Variants in CYB5R4 observed in about 807,000 individuals in gnomAD.
The protein encoded by CYB5R4 is N-terminal cytochrome b5 and cytochrome b5 oxidoreductase domain-containing protein.
Under a neutral mutation model 70.2 loss-of-function variants are expected in CYB5R4, and 55 were observed. That is an observed-to-expected ratio of 0.78 (90% CI 0.63 to 0.98). The LOEUF (loss-of-function observed/expected upper bound fraction) is 0.98, where lower values mean the gene tolerates loss of function less well. CYB5R4 is among the 50% of genes least tolerant of loss of function. CYB5R4 has a pLI of 0.00. For missense variants in CYB5R4, 562 were observed against 612.6 expected, an observed-to-expected ratio of 0.92 and a Z score of 0.87; for synonymous variants, 197 against 199.5, an observed-to-expected ratio of 0.99 and a Z score of 0.11.
rs1197119866 is a variant in CYB5R4 at position 83,961,626 on chromosome 6, A to G, written c.*1748A>G. 6.6e-6 allele frequency: 1 copy of G among 152,524 alleles called. No individual in the cohort carries two copies. The highest frequency in any genetic ancestry group is 1.5e-5 in the Non-Finnish European group (1 of 68,324). 9.4% of individuals were successfully genotyped at this position (152,524 alleles called of 1,614,324 possible). On this transcript the variant is annotated 3_prime_UTR_variant, in exon 16 of 16. Transcript: ENST00000369681. ...GCCATGCAGAACTGTGAGTCAATTA[A>G]ACCTCTTTTCTTCATAAATTACCCA...
intron 10 of CYB5R4, among the ~76,000 whole-genome samples, chr6:83,925,906 T>C (rs946481692): frequency 2.6e-5 from 4 of 152,242 alleles, no homozygotes; most frequent in African/African-American, 9.6e-5. Flanking sequence ...ATTGAGTTAC[T>C]CATTTCTACT....
intron 14 of CYB5R4, among the ~76,000 whole-genome samples, chr6:83,941,102 TTC>T (rs1429977456): frequency 6.6e-6 from 1 of 152,208 alleles, no homozygotes; most frequent in Non-Finnish European, 1.5e-5. Context: ...TTAACACTTC[TTC>T]GCTCTTTCAC....
Position 83,962,225 on chromosome 6 carries a change from T to G in CYB5R4, c.*2347T>G, listed in dbSNP as rs1404145248. The G allele has an allele frequency of 6.6e-6, 1 of 152,194 alleles. No homozygotes were observed. The highest frequency in any genetic ancestry group is 1.9e-4 in the East Asian group (1 of 5,188). The allele number at this position is 152,194 out of a possible 1,614,324, so 9.4% of individuals were successfully genotyped here. ...TCATCCCTCAGCTGGATTAGTACAG[T>G]AGCTTGATAATTCATCTTCATGCTG... On this transcript the variant is annotated 3_prime_UTR_variant, in exon 16 of 16. Coordinates refer to ENST00000369681, the MANE Select transcript of CYB5R4 (RefSeq NM_016230.4).
intron 14 of CYB5R4, among the ~76,000 whole-genome samples, chr6:83,948,693 ATTG>A (rs2099471054): frequency 6.6e-6 from 1 of 152,134 alleles, no homozygotes. Context: ...TTATAAATTA[ATTG>A]TTAAGGAAAG....
intron 2 of CYB5R4, among the ~76,000 whole-genome samples, chr6:83,890,440 A>C (rs1237325877): frequency 6.6e-6 from 1 of 152,200 alleles, no homozygotes; most frequent in African/African-American, 2.4e-5. Context: ...ACTTGAATGG[A>C]TGAAGAGTAG....
chr6:83,920,812 C>G (rs555143876), intron 7 of CYB5R4, among the ~76,000 whole-genome samples: 5 of 152,030 alleles, frequency 3.3e-5, no homozygotes, highest in African/African-American at 1.2e-4. Flanking sequence ...AAACAGTGTT[C>G]TAAAGATAGT....
chr6:83,945,910 C>G (rs215964), intron 14 of CYB5R4, among the ~76,000 whole-genome samples: 29,597 of 152,032 alleles, frequency 0.19, 3,786 homozygotes, highest in East Asian at 0.33. Context: ...GTAACAAGTT[C>G]TGAAACTGAG....
intron 3 of CYB5R4, among the ~76,000 whole-genome samples, chr6:83,905,875 C>T (rs1442811987): frequency 6.6e-6 from 1 of 152,078 alleles, no homozygotes; most frequent in Non-Finnish European, 1.5e-5. Flanking sequence ...AGTCTCTAAC[C>T]CTGCAGATGG....
At chr6:83,936,515 A>G (rs1256449149) in intron 12 of CYB5R4, 139 bp downstream of exon 12, 2 of 706,332 alleles carry the variant, frequency 2.8e-6, no homozygotes, top group Admixed American at 6.6e-5. Flanking sequence ...TCCTTGTCCT[A>G]CACAGCGTGG....
chr6:83,876,914 A>G (rs1162750559), intron 2 of CYB5R4, among the ~76,000 whole-genome samples: 2 of 151,754 alleles, frequency 1.3e-5, no homozygotes, highest in African/African-American at 2.4e-5. Flanking sequence ...GCTCACTACA[A>G]CCTTCGCCTC....
rs1411719772 is a variant in CYB5R4, at chr6:83,966,915, A to G, written c.*7037A>G. ...TATACATCCAAAAAGACCAACATTAATATAAATTTTAGTAAAATTACTGAA... is the reference window on the plus strand; with the variant it reads ...TATACATCCAAAAAGACCAACATTAGTATAAATTTTAGTAAAATTACTGAA... On this transcript the variant is annotated 3_prime_UTR_variant, in exon 16 of 16. Coordinates refer to ENST00000369681, the MANE Select transcript of CYB5R4 (RefSeq NM_016230.4). 1.3e-5 allele frequency: 2 copies of G among 152,242 alleles called. No homozygotes were observed. Among genetic ancestry groups the G allele is most frequent in the East Asian group, 3.9e-4 (2 of 5,194 alleles). 9.4% of individuals were successfully genotyped at this position (152,242 alleles called of 1,614,324 possible).
At chr6:83,913,686 G>T (rs913087012) in intron 4 of CYB5R4, among the ~76,000 whole-genome samples, 1 of 152,090 alleles carries the variant, frequency 6.6e-6, no homozygotes, top group Non-Finnish European at 1.5e-5. Context: ...ATAAAACAAG[G>T]TGATGTCAGC....
chr6:83,868,520 C>A lies in CYB5R4; in HGVS notation c.229+4192C>A, dbSNP rs191919902. Among the ~76,000 whole-genome samples the A allele has an allele frequency of 3.3e-5, 5 of 152,196 alleles. No individual in the cohort carries two copies. In the East Asian group the frequency reaches 7.7e-4, roughly 23 times the overall value. On this transcript the variant is annotated intron_variant, in intron 2 of 15. Coordinates refer to ENST00000369681, the MANE Select transcript of CYB5R4 (RefSeq NM_016230.4). ...ACGTGTATCAAGTTCCTAATTTTTT[C>A]ATTTAATTTTCACCATTTTCTGTAA...
chr6:83,939,776 G>C (rs190326900), intron 12 of CYB5R4, among the ~76,000 whole-genome samples: 316 of 152,234 alleles, frequency 2.1e-3, no homozygotes, highest in African/African-American at 7.2e-3. Context: ...TCAGACTTCA[G>C]ATGGTTTGGC....
At chr6:83,915,885 G>A (rs1312690804) in intron 5 of CYB5R4, among the ~76,000 whole-genome samples, 7 of 152,050 alleles carry the variant, frequency 4.6e-5, no homozygotes, top group Admixed American at 1.3e-4. Flanking sequence ...CTAGAGACCC[G>A]ATCCCTTCAA....
At chr6:83,898,563 C>A (rs2129135229) in intron 3 of CYB5R4, among the ~76,000 whole-genome samples, 1 of 152,266 alleles carries the variant, frequency 6.6e-6, no homozygotes, top group Non-Finnish European at 1.5e-5. Flanking sequence ...GCAGTATGGC[C>A]ATTTTCACGA....
intron 15 of CYB5R4, among the ~76,000 whole-genome samples, chr6:83,956,377 G>C (rs544311541): frequency 6.6e-6 from 1 of 152,212 alleles, no homozygotes; most frequent in Admixed American, 6.5e-5. Context: ...GGATTGGGGG[G>C]GGCACGGGTT....
At chr6:83,956,656 T>C (rs1421442982) in intron 15 of CYB5R4, among the ~76,000 whole-genome samples, 3 of 152,156 alleles carry the variant, frequency 2.0e-5, no homozygotes, top group South Asian at 2.1e-4. Flanking sequence ...GCTATGTTAA[T>C]AGGATTCTTT....
At chr6:83,879,464 C>T (rs2099459111) in intron 2 of CYB5R4, among the ~76,000 whole-genome samples, 1 of 152,168 alleles carries the variant, frequency 6.6e-6, no homozygotes, top group South Asian at 2.1e-4. Context: ...TATTTGCCTC[C>T]TGTCAGTACA....
Sources: gnomAD v4.1 joint callset for allele counts (sites outside exome capture counted in the v4.1 genomes callset) on GRCh38, gnomAD v4.1.1 for gene constraint, MANE v1.5 for transcripts, NCBI Gene and HGNC (gene_info 2026-07-23, HGNC 2026-07-21) for gene names.